Variants in NBAS observed in about 807,000 individuals in gnomAD.
The protein encoded by NBAS is NAG/BC035112 fusion.
NBAS carries 219 observed loss-of-function variants against 302.5 expected under a neutral mutation model. The observed-to-expected ratio is 0.72, with a 90% CI of 0.65 to 0.81. The LOEUF is 0.81. Ranked by LOEUF, NBAS falls within the 30% of genes least tolerant of loss-of-function variation. The pLI is 0.00. For missense variants in NBAS, 2,932 were observed against 2,841.6 expected, an observed-to-expected ratio of 1.03 and a Z score of -0.72; for synonymous variants, 1,118 against 1,021.6, an observed-to-expected ratio of 1.09 and a Z score of -1.80.
At chr2:15,361,468 G>T (rs947294021) in intron 32 of NBAS, among the ~76,000 whole-genome samples, 1 of 151,808 alleles carries the variant, frequency 6.6e-6, no homozygotes, top group Non-Finnish European at 1.5e-5. Context: ...AGCTGAGATC[G>T]CACCACCGCA....
At chr2:15,409,875 G>A (rs1676598125) in intron 25 of NBAS, among the ~76,000 whole-genome samples, 1 of 152,186 alleles carries the variant, frequency 6.6e-6, no homozygotes, top group South Asian at 2.1e-4. Context: ...AGATTAAAGT[G>A]AGTCCTTCAG....
intron 12 of NBAS, among the ~76,000 whole-genome samples, chr2:15,479,182 C>G (rs917665890): frequency 1.4e-4 from 21 of 152,040 alleles, no homozygotes; most frequent in Admixed American, 1.4e-3. Flanking sequence ...AGAGCAGACC[C>G]TGAGAACAGA....
intron 30 of NBAS, among the ~76,000 whole-genome samples, chr2:15,378,398 A>G (rs542351030): frequency 7.9e-5 from 12 of 152,322 alleles, no homozygotes; most frequent in African/African-American, 2.6e-4. Context: ...GGCTAGTGGA[A>G]GAACAGCAGC....
the NBAS span, among the ~76,000 whole-genome samples, chr2:14,984,070 A>G: frequency 6.6e-6 from 1 of 152,212 alleles, no homozygotes; most frequent in African/African-American, 2.4e-5. Context: ...ACAAAACAAT[A>G]TATAACCAAT....
intron 47 of NBAS, 116 bp downstream of exon 47, chr2:15,232,306 T>TC (rs1226426817): frequency 6.4e-6 from 6 of 943,886 alleles, no homozygotes; most frequent in Non-Finnish European, 1.0e-5. Flanking sequence ...GCCGCTCCTT[T>TC]CCCACCTAAA....
chr2:15,079,162 C>T, the NBAS span, among the ~76,000 whole-genome samples: 2 of 151,980 alleles, frequency 1.3e-5, no homozygotes, highest in African/African-American at 2.4e-5. Context: ...TGATAAAGTA[C>T]CAGATTAATC....
At chr2:15,235,966 A>G (rs74383093) in intron 45 of NBAS, among the ~76,000 whole-genome samples, 204 of 152,352 alleles carry the variant, frequency 1.3e-3, no homozygotes, top group Non-Finnish European at 2.3e-3. Context: ...TCATGAGGAT[A>G]TAAGTTTTTT....
At position 15,534,620 on chromosome 2, in the gene NBAS, G is replaced by A. The variant is rs774179010; in HGVS notation, c.669C>T (p.Tyr223=). 21 of 1,613,648 alleles carry A rather than the reference G, an allele frequency of 1.3e-5. No individual in the cohort carries two copies. In the South Asian group the frequency reaches 2.3e-4, roughly 18 times the overall value. The part of the protein sequence containing the change: ...YLVSVGTNQS[Y]QESHCFSFSS... ...TGAAGCTGAAACAGTGACTTTCTTG[G>A]TAGCTCTGATTTGTTCCAACACTAA... The change falls in exon 9 of 52, where the codon TAC becomes TAT. Residue 223 remains tyrosine, a synonymous_variant. Coordinates refer to ENST00000281513, the MANE Select transcript of NBAS (RefSeq NM_015909.4).
intron 40 of NBAS, among the ~76,000 whole-genome samples, chr2:15,295,605 G>A (rs888811732): frequency 3.9e-5 from 6 of 152,196 alleles, no homozygotes; most frequent in Non-Finnish European, 7.3e-5. Context: ...TATGGAATTG[G>A]CTAAAAGCCA....
the NBAS span, among the ~76,000 whole-genome samples, chr2:14,824,072 C>T: frequency 0.02 from 3,037 of 152,322 alleles, 43 homozygotes; most frequent in Admixed American, 0.048. Flanking sequence ...CTGCGCCAGA[C>T]GTGTTGCAAG....
the NBAS span, among the ~76,000 whole-genome samples, chr2:14,797,021 C>T: frequency 7.6e-5 from 11 of 144,020 alleles, no homozygotes; most frequent in Admixed American, 7.2e-5. Context: ...ATCCGGGAGG[C>T]GGAGCTTGCA....
At chr2:15,247,733 T>C (rs1425682523) in intron 44 of NBAS, among the ~76,000 whole-genome samples, 1 of 150,592 alleles carries the variant, frequency 6.6e-6, no homozygotes, top group Non-Finnish European at 1.5e-5. Context: ...CCTCTATCTA[T>C]AGATCTATAT....
chr2:14,947,057 C>T, the NBAS span, among the ~76,000 whole-genome samples: 1 of 151,966 alleles, frequency 6.6e-6, no homozygotes, highest in Non-Finnish European at 1.5e-5. Flanking sequence ...ATGCCTATAT[C>T]AGAAAAGTAG....
chr2:15,026,536 A>G, the NBAS span, among the ~76,000 whole-genome samples: 2 of 149,236 alleles, frequency 1.3e-5, no homozygotes, highest in East Asian at 2.0e-4. Context: ...TTTTGTCTTT[A>G]ATTCCATTTA....
chr2:15,484,767 G>C (rs1201872268), intron 12 of NBAS, among the ~76,000 whole-genome samples: 1 of 152,102 alleles, frequency 6.6e-6, no homozygotes, highest in Non-Finnish European at 1.5e-5. Flanking sequence ...AATATCTTAA[G>C]AGCAGGGACT....
At chr2:15,092,659 T>C in the NBAS span, among the ~76,000 whole-genome samples, 3 of 152,210 alleles carry the variant, frequency 2.0e-5, no homozygotes, top group Non-Finnish European at 4.4e-5. Flanking sequence ...CATGTTCCTG[T>C]CTATGGACCC....
intron 19 of NBAS, among the ~76,000 whole-genome samples, chr2:15,463,667 T>C (rs1257713391): frequency 2.0e-5 from 3 of 151,694 alleles, no homozygotes; most frequent in Non-Finnish European, 4.4e-5. Flanking sequence ...CAAACCCAGC[T>C]ATGATCCCTG....
chr2:15,116,743 G>A, the NBAS span, among the ~76,000 whole-genome samples: 1 of 152,162 alleles, frequency 6.6e-6, no homozygotes, highest in Non-Finnish European at 1.5e-5. Context: ...AAAGTAAGTA[G>A]TAAAAGCATT....
chr2:15,285,263 T>C (rs1320221434), intron 42 of NBAS, among the ~76,000 whole-genome samples: 2 of 152,194 alleles, frequency 1.3e-5, no homozygotes, highest in East Asian at 3.9e-4. Context: ...AAAAATAGCA[T>C]TTCTTGACCA....
Sources: allele counts gnomAD v4.1 joint callset (sites outside exome capture counted in the v4.1 genomes callset), GRCh38; gene constraint gnomAD v4.1.1; transcripts MANE v1.5; gene names NCBI Gene and HGNC (gene_info 2026-07-23, HGNC 2026-07-21).